ATAD2B: variants seen among roughly 807,000 people sequenced by gnomAD.
ATAD2B encodes the protein ATPase family AAA domain-containing protein 2B.
Under a neutral mutation model 167.6 loss-of-function variants are expected in ATAD2B, and 40 were observed. The observed-to-expected ratio is 0.24, with a 90% CI of 0.19 to 0.31. The LOEUF (loss-of-function observed/expected upper bound fraction) is 0.31. Ranked by LOEUF, ATAD2B falls within the 10% of genes least tolerant of loss-of-function variation. ATAD2B has a pLI of 1.00. For synonymous variants in ATAD2B, 579 were observed against 596.5 expected (o/e 0.97, Z 0.43); for missense variants, 1,242 against 1,757.2 (o/e 0.71, Z 5.24).
chr2:23,742,776 C>T, the ATAD2B span, among the ~76,000 whole-genome samples: 1 of 151,082 alleles, frequency 6.6e-6, no homozygotes. Flanking sequence ...CTCTTAAAAA[C>T]TAAATACCAA....
At chr2:23,795,031 A>G (rs1682384478) in intron 19 of ATAD2B, among the ~76,000 whole-genome samples, 1 of 152,158 alleles carries the variant, frequency 6.6e-6, no homozygotes, top group Non-Finnish European at 1.5e-5. Context: ...TGGAAGGACT[A>G]ATTATTTTGG....
chr2:23,861,678 A>G (rs1694393475), intron 12 of ATAD2B, among the ~76,000 whole-genome samples: 1 of 152,208 alleles, frequency 6.6e-6, no homozygotes. Flanking sequence ...ACAAAAGTAT[A>G]ACTTTAAAAT....
rs1477648692 is a variant in ATAD2B, at chr2:23,798,506, AAAAAAAAAAAGTATGTTTTGCCCTATC to A, written c.2455-210_2455-184del. 5.9e-5 allele frequency among the ~76,000 whole-genome samples: 9 copies of A among 151,620 alleles called. No individual in the cohort carries two copies. The East Asian group carries it at 7.7e-4, about 13-fold the overall frequency. On this transcript the variant is annotated intron_variant, in intron 18 of 27. Coordinates refer to ENST00000238789, the MANE Select transcript of ATAD2B (RefSeq NM_017552.4). ...CTTCAATCTACCCTTGCCCCACCAA[AAAAAAAAAAAGTATGTTTTGCCCTATC>A]AAAAAAAAAAGTATGTTTTGCCCTT...
chr2:23,864,870 T>C lies in ATAD2B; in HGVS notation c.1243A>G (p.Met415Val). 1 of 1,599,072 alleles carries C rather than the reference T, an allele frequency of 6.3e-7. No homozygotes were observed. Among genetic ancestry groups the C allele is most frequent in the South Asian group, 1.1e-5 (1 of 87,394 alleles). The change falls in exon 11 of 28, where the codon ATG becomes GTG. Residue 415 changes from methionine to valine, a missense_variant. Physicochemically the swap from Met to Val is conservative, Grantham distance 21. Around this residue, in one of 9 missense-constraint regions of ATAD2B, gnomAD observed 151 missense variants for 284.1 expected, o/e 0.53. Transcript: ENST00000238789. ...LSHHIHALKEMVVFPLLYPEI... is the reference protein window; with the variant it reads ...LSHHIHALKEVVVFPLLYPEI... ...GGATATAAAAGTGGGAATACTACCA[T>C]TTCCTTTAGCGCATGAATATGATGG...
At chr2:23,882,496 T>A (rs1417209851) in intron 6 of ATAD2B, among the ~76,000 whole-genome samples, 2 of 110,872 alleles carry the variant, frequency 1.8e-5, no homozygotes, top group African/African-American at 7.1e-5. Flanking sequence ...ACACCCAGCC[T>A]CTATTTAAAA....
the ATAD2B span, among the ~76,000 whole-genome samples, chr2:23,683,970 A>G: frequency 6.6e-6 from 1 of 152,140 alleles, no homozygotes; most frequent in East Asian, 1.9e-4. Flanking sequence ...CCCATCTTAC[A>G]TCACAGTGCC....
intron 2 of ATAD2B, among the ~76,000 whole-genome samples, chr2:23,891,120 A>T (rs1488923459): frequency 1.3e-5 from 2 of 151,360 alleles, no homozygotes; most frequent in Non-Finnish European, 2.9e-5. Flanking sequence ...TCCCGGGTTC[A>T]AGTGATTCTC....
At chr2:23,852,074 A>C (rs1438170084) in intron 13 of ATAD2B, among the ~76,000 whole-genome samples, 1 of 152,210 alleles carries the variant, frequency 6.6e-6, no homozygotes, top group African/African-American at 2.4e-5. Flanking sequence ...CTTTAAAGAT[A>C]AACTACCAAA....
chr2:23,752,150 G>A (rs1046438531), intron 27 of ATAD2B, 63 bp from the exon 28 acceptor site: 52 of 1,201,646 alleles, frequency 4.3e-5, no homozygotes, highest in Non-Finnish European at 5.4e-5. Flanking sequence ...TCCTCATTAC[G>A]GAAGAATTCA....
At chr2:23,786,625 C>G (rs543060994) in intron 20 of ATAD2B, among the ~76,000 whole-genome samples, 1 of 152,062 alleles carries the variant, frequency 6.6e-6, no homozygotes. Flanking sequence ...TGCAGTCCAT[C>G]GTTGACCAAA....
At chr2:23,890,284 A>C (rs1699293390) in intron 2 of ATAD2B, among the ~76,000 whole-genome samples, 1 of 151,700 alleles carries the variant, frequency 6.6e-6, no homozygotes, top group Admixed American at 6.6e-5. Flanking sequence ...ACGCATCTTC[A>C]GATTGTCAAA....
intron 19 of ATAD2B, among the ~76,000 whole-genome samples, 188 bp downstream of exon 19, chr2:23,797,950 A>G (rs1032560308): frequency 1.3e-5 from 2 of 152,172 alleles, no homozygotes; most frequent in African/African-American, 4.8e-5. Flanking sequence ...ACTGTGGAAT[A>G]CCACTATACC....
At chr2:23,910,219 C>T (rs975745589) in intron 1 of ATAD2B, among the ~76,000 whole-genome samples, 3 of 140,510 alleles carry the variant, frequency 2.1e-5, no homozygotes, top group African/African-American at 8.2e-5. Flanking sequence ...GCTCTTGTTG[C>T]CCAGGCTGGA....
chr2:23,731,899 C>A, the ATAD2B span, among the ~76,000 whole-genome samples: 2 of 151,838 alleles, frequency 1.3e-5, no homozygotes, highest in African/African-American at 4.8e-5. Context: ...ATCATTTGAG[C>A]CCAGAAGTTT....
At chr2:23,818,049 A>G (rs1686714837) in intron 17 of ATAD2B, among the ~76,000 whole-genome samples, 1 of 151,318 alleles carries the variant, frequency 6.6e-6, no homozygotes, top group African/African-American at 2.4e-5. Context: ...ATACAAATCC[A>G]AATAACTATA....
chr2:23,856,217 G>A (rs1002638186), intron 13 of ATAD2B: 3 of 162,830 alleles, frequency 1.8e-5, no homozygotes, highest in Admixed American at 6.6e-5. Flanking sequence ...CTTCAGACCA[G>A]AATTATTTTA....
At chr2:23,735,662 A>G in the ATAD2B span, among the ~76,000 whole-genome samples, 1 of 152,182 alleles carries the variant, frequency 6.6e-6, no homozygotes, top group African/African-American at 2.4e-5. Flanking sequence ...GATTCTAAAC[A>G]ACCAGAATTC....
intron 4 of ATAD2B, among the ~76,000 whole-genome samples, chr2:23,887,425 A>G (rs1461819237): frequency 1.3e-5 from 2 of 152,222 alleles, no homozygotes; most frequent in East Asian, 3.8e-4. Context: ...GCATCTAGAT[A>G]CTGAACAATA....
chr2:23,761,189 C>T (rs1282333135), intron 24 of ATAD2B, among the ~76,000 whole-genome samples: 1 of 152,188 alleles, frequency 6.6e-6, no homozygotes, highest in African/African-American at 2.4e-5. Flanking sequence ...TAATCAGTTT[C>T]ACGGCATCAT....
Sources: allele counts gnomAD v4.1 joint callset (sites outside exome capture counted in the v4.1 genomes callset), GRCh38; gene constraint gnomAD v4.1.1; regional missense constraint gnomAD v4.1.1; transcripts MANE v1.5; gene names NCBI Gene and HGNC (gene_info 2026-07-23, HGNC 2026-07-21).